Variants in GMDS observed in about 807,000 individuals in gnomAD.
GMDS encodes GDP-mannose 4,6-dehydratase.
In GMDS, 20 loss-of-function variants were observed where a neutral mutation model predicts 49.9. The ratio of observed to expected loss-of-function variants is 0.40; its 90% confidence interval spans 0.28 to 0.58. The LOEUF (loss-of-function observed/expected upper bound fraction) is 0.58, where lower values mean the gene tolerates loss of function less well. Among genes scored for constraint, GMDS ranks in the 20% least tolerant of loss-of-function variants. The pLI is 0.42. For synonymous variants in GMDS, 177 were observed against 178.6 expected, an observed-to-expected ratio of 0.99 and a Z score of 0.07; for missense variants, 362 against 481.4, an observed-to-expected ratio of 0.75 and a Z score of 2.32.
rs187157693 is a variant in GMDS, at chr6:2,167,804, G to A, written c.103-43073C>T. ...CACAAGTTACACAGACTTCCATTTC[G>A]GCAACATCCCACTCCACTAAATCGT... On this transcript the variant is annotated intron_variant, in intron 1 of 10. Transcript: ENST00000380815. Among the ~76,000 whole-genome samples, 633 of 151,870 alleles carry A rather than the reference G, an allele frequency of 4.2e-3. 3 individuals are homozygous for A. Among genetic ancestry groups the A allele is most frequent in the Non-Finnish European group, 6.5e-3 (441 of 67,986 alleles).
At chr6:2,095,413 A>C (rs1773539081) in intron 4 of GMDS, among the ~76,000 whole-genome samples, 1 of 152,250 alleles carries the variant, frequency 6.6e-6, no homozygotes, top group East Asian at 1.9e-4. Context: ...CAAAGTAATC[A>C]ATTCATTTTG....
In GMDS at chr6:1,836,335, T is replaced by G. The variant is rs1253971230; in HGVS notation, c.772-93749A>C. Among the ~76,000 whole-genome samples, 1 of 152,180 alleles carries G rather than the reference T, an allele frequency of 6.6e-6. No homozygotes were observed. Among genetic ancestry groups the G allele is most frequent in the East Asian group, 1.9e-4 (1 of 5,200 alleles). On this transcript the variant is annotated intron_variant, in intron 7 of 10. Transcript: ENST00000380815. This position sits in a 1 kb window ranked among gnomAD's most constrained non-coding sequence, Gnocchi z 4.2. The stretch of plus-strand genomic sequence containing the variant: ...GAAAGCTAGTAGAGGCCAAATGAAA[T>G]GCTCACAGATCGGCATATGTATGTT...
At chr6:1,850,880 A>G (rs1757635310) in intron 7 of GMDS, among the ~76,000 whole-genome samples, 1 of 152,218 alleles carries the variant, frequency 6.6e-6, no homozygotes, top group Admixed American at 6.5e-5. Flanking sequence ...CTCAGCTGGC[A>G]GCCCACTGAC....
chr6:2,197,142 A>G (rs536036348), intron 1 of GMDS, among the ~76,000 whole-genome samples: 1 of 152,234 alleles, frequency 6.6e-6, no homozygotes, highest in Admixed American at 6.5e-5. Context: ...TCATTAGCAA[A>G]CTGACACATC....
chr6:1,925,204 C>G (rs1197779793), intron 7 of GMDS, among the ~76,000 whole-genome samples: 2 of 152,092 alleles, frequency 1.3e-5, no homozygotes, highest in Non-Finnish European at 2.9e-5. Context: ...TAATAAAATA[C>G]TGGAAGAGAT....
chr6:1,631,696 A>T (rs1255409204), intron 9 of GMDS, among the ~76,000 whole-genome samples: 1 of 151,948 alleles, frequency 6.6e-6, no homozygotes, highest in East Asian at 1.9e-4. Context: ...AAATATAAAT[A>T]ACGTAACAGG....
chr6:1,952,619 C>T (rs546051250), intron 6 of GMDS, among the ~76,000 whole-genome samples: 7 of 152,090 alleles, frequency 4.6e-5, no homozygotes, highest in East Asian at 3.9e-4. Context: ...GCAACGGAAG[C>T]GCTCCTGGGG....
chr6:1,940,595 A>G (rs1014061273), intron 6 of GMDS, among the ~76,000 whole-genome samples: 1 of 152,262 alleles, frequency 6.6e-6, no homozygotes, highest in South Asian at 2.1e-4. Context: ...TGCCAAGAGC[A>G]ACACTATTTA....
chr6:2,113,808 G>T (rs1774691929), intron 4 of GMDS, among the ~76,000 whole-genome samples: 1 of 152,052 alleles, frequency 6.6e-6, no homozygotes, highest in Non-Finnish European at 1.5e-5. Context: ...CTTGCATGAG[G>T]TATGCACTCA....
chr6:2,187,795 T>C (rs1778844329), intron 1 of GMDS, among the ~76,000 whole-genome samples: 1 of 152,202 alleles, frequency 6.6e-6, no homozygotes, highest in Non-Finnish European at 1.5e-5. Context: ...GTTTTCACAC[T>C]GAAATTATTT....
intron 4 of GMDS, among the ~76,000 whole-genome samples, chr6:2,044,743 A>G (rs151087789): frequency 6.6e-6 from 1 of 152,360 alleles, no homozygotes; most frequent in Non-Finnish European, 1.5e-5. Context: ...TAAGTACAGC[A>G]TAGTTTCAAA....
chr6:1,917,766 G>A (rs1434734517), intron 7 of GMDS, among the ~76,000 whole-genome samples: 1 of 152,218 alleles, frequency 6.6e-6, no homozygotes, highest in African/African-American at 2.4e-5. Context: ...CCGAGAGGCA[G>A]GATGCCAGCC....
intron 1 of GMDS, among the ~76,000 whole-genome samples, chr6:2,177,409 G>A (rs572205825): frequency 2.0e-5 from 3 of 152,068 alleles, no homozygotes; most frequent in African/African-American, 7.2e-5. Flanking sequence ...AAAACTTCAG[G>A]CCAATATCCC....
rs574295076 is a variant in GMDS at position 1,650,146 on chromosome 6, C to A, written c.988-25606G>T. ...CTCTGAGATGGCCTCCTTTTCCTTT[C>A]CTCATCTAGCTCGTGGGGACTGGTG... is the stretch of plus-strand genomic sequence containing the variant. On this transcript the variant is annotated intron_variant, in intron 9 of 10. Transcript: ENST00000380815. Among the ~76,000 whole-genome samples the A allele has an allele frequency of 9.9e-5, 15 of 152,266 alleles. No individual in the cohort carries two copies. The East Asian group carries it at 2.9e-3, about 29-fold the overall frequency.
chr6:1,864,336 T>C (rs577068932), intron 7 of GMDS, among the ~76,000 whole-genome samples: 1 of 152,282 alleles, frequency 6.6e-6, no homozygotes, highest in African/African-American at 2.4e-5. Flanking sequence ...TAAAGAACCA[T>C]GACAAAGGAA....
At position 1,833,018 on chromosome 6, in the gene GMDS, A is replaced by G. The variant is rs1310613399; in HGVS notation, c.772-90432T>C. On this transcript the variant is annotated intron_variant, in intron 7 of 10. Transcript: ENST00000380815. The surrounding 1 kb of genome is among the most constrained non-coding windows in gnomAD (Gnocchi z 4.4). ...ATCATTAGTAGCACTGAGTGCAACC[A>G]CTGTCAGTTTTGTGGGGTTGGCCTC... Among the ~76,000 whole-genome samples the G allele has an allele frequency of 6.6e-6, 1 of 151,918 alleles. No individual in the cohort carries two copies. The highest frequency in any genetic ancestry group is 1.5e-5 in the Non-Finnish European group (1 of 67,986).
chr6:1,903,667 C>T (rs1409522381), intron 7 of GMDS, among the ~76,000 whole-genome samples: 1 of 152,192 alleles, frequency 6.6e-6, no homozygotes, highest in Non-Finnish European at 1.5e-5. Context: ...TGTTCCTTCC[C>T]TTTAAATACT....
chr6:2,051,940 A>C (rs1412056603), intron 4 of GMDS, among the ~76,000 whole-genome samples: 1 of 151,910 alleles, frequency 6.6e-6, no homozygotes, highest in African/African-American at 2.4e-5. Flanking sequence ...AACACGGTGA[A>C]ACCCCATCCC....
intron 7 of GMDS, among the ~76,000 whole-genome samples, chr6:1,813,727 T>G (rs182475364): frequency 6.6e-6 from 1 of 152,314 alleles, no homozygotes; most frequent in East Asian, 1.9e-4. Flanking sequence ...CCTCTAGTAA[T>G]AAAGCCTTTA....
Sources: allele counts gnomAD v4.1 joint callset (sites outside exome capture counted in the v4.1 genomes callset), GRCh38; gene constraint gnomAD v4.1.1; non-coding constraint Gnocchi (gnomAD v3.1); transcripts MANE v1.5; gene names NCBI Gene and HGNC (gene_info 2026-07-23, HGNC 2026-07-21).